SBK3: variants seen among roughly 807,000 people sequenced by gnomAD.
SBK3 encodes the protein uncharacterized serine/threonine-protein kinase SBK3.
SBK3 carries 16 observed loss-of-function variants against 12.7 expected under a neutral mutation model. That is an observed-to-expected ratio of 1.26 (90% confidence interval 0.86 to 1.92). The LOEUF is 1.92. Among genes scored for constraint, SBK3 ranks in the 40% most tolerant of loss-of-function variants. The pLI is 0.00. For missense variants in SBK3, 462 were observed against 481.8 expected, an observed-to-expected ratio of 0.96 and a Z score of 0.38; for synonymous variants, 217 against 213.6, an observed-to-expected ratio of 1.02 and a Z score of -0.14.
chr19:55,541,219 G>C lies in SBK3; in HGVS notation c.707C>G (p.Ala236Gly), dbSNP rs1951556641. ...CACGTCCCAAGGGAAACAGGCAGTG[G>C]CAGCACAGAAGAGAAGCACCCCCAG... ...WGLGVLLFCA[A>G]TACFPWDVAL... The change falls in exon 4 of 4, where the codon GCC becomes GGC. Residue 236 changes from alanine to glycine, a missense_variant. Physicochemically the swap from Ala to Gly is moderately conservative, Grantham distance 60 (BLOSUM62 0). Coordinates refer to ENST00000612221, the MANE Select transcript of SBK3 (RefSeq NM_001199824.2). This position sits in a 1 kb window ranked among gnomAD's most constrained non-coding sequence, Gnocchi z 5.3. The C allele has an allele frequency of 1.3e-6, 2 of 1,535,990 alleles. No individual in the cohort carries two copies. The highest frequency in any genetic ancestry group is 2.4e-5 in the East Asian group (1 of 40,936).
At chr19:55,544,727 C>A in intron 2 of SBK3, 72 bp downstream of exon 2, 5 of 1,395,178 alleles carry the variant, frequency 3.6e-6, no homozygotes, top group Non-Finnish European at 4.7e-6. Flanking sequence ...GGAATGCCCC[C>A]TGTCTGGGTG....
chr19:55,542,324 C>T (rs1318960043), intron 3 of SBK3, among the ~76,000 whole-genome samples: 2 of 152,144 alleles, frequency 1.3e-5, no homozygotes, highest in Admixed American at 1.3e-4. Context: ...CTTCCTTTCA[C>T]CCATCCACTC....
At chr19:55,544,030 CA>C in intron 3 of SBK3, 69 bp downstream of exon 3, 1 of 1,328,938 alleles carries the variant, frequency 7.5e-7, no homozygotes, top group Non-Finnish European at 9.9e-7. Context: ...GAGTTGGAGA[CA>C]GAGACGGGGC....
chr19:55,545,205 C>T lies in SBK3; in HGVS notation c.46-256G>A. On this transcript the variant is annotated intron_variant, in intron 1 of 3. Transcript: ENST00000612221. The surrounding 1 kb of genome is among the most constrained non-coding windows in gnomAD (Gnocchi z 4.4). ...GGGAGCAGGCCAGGAGCCCCCAGCC[C>T]CGAGTGGGGGTGCATCCTCAGCCCA... 1.7e-6 allele frequency: 1 copy of T among 579,902 alleles called. No individual in the cohort carries two copies. The highest frequency in any genetic ancestry group is 3.0e-6 in the Non-Finnish European group (1 of 328,144). 35.9% of individuals were successfully genotyped at this position (579,902 alleles called of 1,614,324 possible).
In SBK3 at chr19:55,545,232, A is replaced by C; in HGVS notation, c.45+267T>G. On this transcript the variant is annotated intron_variant, in intron 1 of 3. Coordinates refer to ENST00000612221, the MANE Select transcript of SBK3 (RefSeq NM_001199824.2). The surrounding 1 kb of genome is among the most constrained non-coding windows in gnomAD (Gnocchi z 4.4). ...GAGTGGGGGTGCATCCTCAGCCCACACAGTCCCCCTGCCCACCCTGGTCTC... is the reference window on the plus strand; with the variant it reads ...GAGTGGGGGTGCATCCTCAGCCCACCCAGTCCCCCTGCCCACCCTGGTCTC... The C allele has an allele frequency of 1.7e-6, 1 of 581,832 alleles. No homozygotes were observed. Among genetic ancestry groups the C allele is most frequent in the South Asian group, 2.1e-5 (1 of 47,120 alleles). 36.0% of individuals were successfully genotyped at this position (581,832 alleles called of 1,614,324 possible). A position where few individuals can be genotyped will look rare whatever the true frequency, so the allele number is the denominator to read the frequency against.
Position 55,542,785 on chromosome 19 carries a change from C to T in SBK3, c.400-1259G>A, listed in dbSNP as rs117370041. Reference sequence around the variant, plus strand: ...CCTTTCATCCATCCATCCACCCATCCATCCACCCACCAATCCTTCCTTCTA... The same window carrying T: ...CCTTTCATCCATCCATCCACCCATCTATCCACCCACCAATCCTTCCTTCTA... On this transcript the variant is annotated intron_variant, in intron 3 of 3. Transcript: ENST00000612221. Among the ~76,000 whole-genome samples, 1,105 of 148,456 alleles carry T rather than the reference C, an allele frequency of 7.4e-3. 9 individuals are homozygous for T. The highest frequency in any genetic ancestry group is 0.012 in the Non-Finnish European group (838 of 67,150).
chr19:55,543,901 G>A, intron 3 of SBK3, among the ~76,000 whole-genome samples, 199 bp downstream of exon 3: 1 of 151,926 alleles, frequency 6.6e-6, no homozygotes, highest in East Asian at 1.9e-4. Flanking sequence ...GATTGTGTTT[G>A]GGTGATTGGA....
chr19:55,544,004 C>T, intron 3 of SBK3, 96 bp downstream of exon 3: 1 of 1,070,458 alleles, frequency 9.3e-7, no homozygotes, highest in Non-Finnish European at 1.3e-6. Flanking sequence ...ATTGGGCGGG[C>T]CCTGATTTGG....
rs1344850586 is a variant in SBK3 at position 55,544,300 on chromosome 19, G to C, written c.199C>G (p.Pro67Ala). The change falls in exon 3 of 4, where the codon CCA (proline) becomes GCA (alanine). Residue 67 changes from proline to alanine, a missense_variant and splice_region_variant. Pro to Ala is a conservative substitution (Grantham distance 27, BLOSUM62 -1). Coordinates refer to ENST00000612221, the MANE Select transcript of SBK3 (RefSeq NM_001199824.2). ...VLLAQPHQGG[P>A]AVALKLLRRD... is the part of the protein sequence containing the mutation. The stretch of plus-strand genomic sequence containing the variant: ...CGCAGGAGCTTCAGAGCCACAGCTG[G>C]ACCTGCCAGGGAGATGGGTCGGAGG... The C allele has an allele frequency of 2.6e-6, 4 of 1,535,442 alleles. No homozygotes were observed. The highest frequency in any genetic ancestry group is 1.7e-4 in the Middle Eastern group (1 of 5,994).
At position 55,540,823 on chromosome 19, in the gene SBK3, G is replaced by GGCCA; in HGVS notation, c.*19_*22dup. 1.3e-6 allele frequency: 2 copies of GGCCA among 1,533,088 alleles called. No homozygotes were observed. Among genetic ancestry groups the GGCCA allele is most frequent in the Non-Finnish European group, 1.7e-6 (2 of 1,144,218 alleles). The allele number at this position is 1,533,088 out of a possible 1,614,324, so 95.0% of individuals were successfully genotyped here. ...GGGAAGGGCCTCTGGCCCAGGCTCT[G>GGCCA]GCCACCTGTCTCTGTCACCTGGTCA... On this transcript the variant is annotated 3_prime_UTR_variant, in exon 4 of 4. Transcript: ENST00000612221.
rs1234531480 is a variant in SBK3 at position 55,541,808 on chromosome 19, G to C, written c.400-282C>G. On this transcript the variant is annotated intron_variant, in intron 3 of 3. Transcript: ENST00000612221. The surrounding 1 kb of genome is among the most constrained non-coding windows in gnomAD (Gnocchi z 5.3). ...AGTGTTCCCACCACATGCTCCCAAA[G>C]ACTTTCTCTCCATCATCCTCAACCT... Among the ~76,000 whole-genome samples, 1 of 152,110 alleles carries C rather than the reference G, an allele frequency of 6.6e-6. No individual in the cohort carries two copies. The highest frequency in any genetic ancestry group is 2.4e-5 in the African/African-American group (1 of 41,414).
chr19:55,541,302 G>A lies in SBK3; in HGVS notation c.624C>T (p.Leu208=). ...GGGTGTCGGGCGGTAGCAGGAGACA[G>A]AGCTCAGGCGGTGCCGTGGGCAGAG... ...PVPLPTAPPE[L]CLLLPPDTLP... Residue 208 remains leucine (L), a synonymous_variant, in exon 4 of 4, where the codon CTC becomes CTT. Coordinates refer to ENST00000612221, the MANE Select transcript of SBK3 (RefSeq NM_001199824.2). The surrounding 1 kb of genome is among the most constrained non-coding windows in gnomAD (Gnocchi z 5.3). The A allele has an allele frequency of 6.5e-7, 1 of 1,535,588 alleles. No homozygotes were observed. Among genetic ancestry groups the A allele is most frequent in the Non-Finnish European group, 8.7e-7 (1 of 1,146,698 alleles).
chr19:55,544,902 G>T lies in SBK3; in HGVS notation c.93C>A (p.Ser31Arg). Residue 31 changes from serine (S) to arginine (R), a missense_variant, in exon 2 of 4, where the codon AGC becomes AGA. Coordinates refer to ENST00000612221, the MANE Select transcript of SBK3 (RefSeq NM_001199824.2). ...ALQRLVELTT[S>R]RVTPVRSLRD... is the part of the protein sequence containing the mutation. Reference sequence around the variant, plus strand: ...GAAGGCTCCTCACCGGGGTCACCCTGCTGGTCGTCAGCTCCACCAGCCGTT... The same window carrying T: ...GAAGGCTCCTCACCGGGGTCACCCTTCTGGTCGTCAGCTCCACCAGCCGTT... 6.5e-7 allele frequency: 1 copy of T among 1,534,406 alleles called. No individual in the cohort carries two copies. Among genetic ancestry groups the T allele is most frequent in the Non-Finnish European group, 8.7e-7 (1 of 1,146,400 alleles).
chr19:55,541,211 A>G lies in SBK3; in HGVS notation c.715T>C (p.Cys239Arg). The G allele has an allele frequency of 6.5e-7, 1 of 1,536,090 alleles. No individual in the cohort carries two copies. Among genetic ancestry groups the G allele is most frequent in the Non-Finnish European group, 8.7e-7 (1 of 1,146,898 alleles). ...GCCAGTGCCACGTCCCAAGGGAAAC[A>G]GGCAGTGGCAGCACAGAAGAGAAGC... is the stretch of plus-strand genomic sequence containing the variant. ...GVLLFCAATACFPWDVALAPN... is the reference protein window; with the variant it reads ...GVLLFCAATARFPWDVALAPN... The change falls in exon 4 of 4, where the codon TGT becomes CGT. Residue 239 changes from cysteine to arginine, a missense_variant. By Grantham distance (180) the Cys-to-Arg change is radical. Transcript: ENST00000612221. The surrounding 1 kb of genome is among the most constrained non-coding windows in gnomAD (Gnocchi z 5.3).
Position 55,541,534 on chromosome 19 carries a change from C to A in SBK3, c.400-8G>T, listed in dbSNP as rs1988561504. ...CAGCAGTTCTGGGAGGCCCTGAGGT[C>A]AAGAAGACAGGAGGAGGGTCAGAGT... On this transcript the variant is annotated splice_polypyrimidine_tract_variant and splice_region_variant and intron_variant, in intron 3 of 3. Transcript: ENST00000612221. The surrounding 1 kb of genome is among the most constrained non-coding windows in gnomAD (Gnocchi z 5.3). 4 of 1,498,336 alleles carry A rather than the reference C, an allele frequency of 2.7e-6. No homozygotes were observed. Among genetic ancestry groups the A allele is most frequent in the African/African-American group, 1.4e-5 (1 of 72,228 alleles). 92.8% of individuals were successfully genotyped at this position (1,498,336 alleles called of 1,614,324 possible). A position where few individuals can be genotyped will look rare whatever the true frequency, so the allele number is the denominator to read the frequency against.
chr19:55,542,467 T>G (rs1009824544), intron 3 of SBK3, among the ~76,000 whole-genome samples: 14 of 135,938 alleles, frequency 1.0e-4, no homozygotes, highest in African/African-American at 3.7e-4. Context: ...ACCAAACCTT[T>G]CATCCATCCA....
Position 55,541,371 on chromosome 19 carries a change from A to T in SBK3, c.555T>A (p.Gly185=). The change falls in exon 4 of 4, where the codon GGT becomes GGA. Residue 185 remains glycine, a synonymous_variant. Coordinates refer to ENST00000612221, the MANE Select transcript of SBK3 (RefSeq NM_001199824.2). The surrounding 1 kb of genome is among the most constrained non-coding windows in gnomAD (Gnocchi z 5.3). Reference sequence around the variant, plus strand: ...TCGGGCTGCCCTCTGGCCGGGTCAGACCCAGGTCTCCCAGGGCCACACGGC... The same window carrying T: ...TCGGGCTGCCCTCTGGCCGGGTCAGTCCCAGGTCTCCCAGGGCCACACGGC... The part of the protein sequence containing the change: ...VCSRVALGDL[G]LTRPEGSPTP... 2 of 1,535,640 alleles carry T rather than the reference A, an allele frequency of 1.3e-6. No homozygotes were observed. The highest frequency in any genetic ancestry group is 1.4e-5 in the African/African-American group (1 of 73,132).
chr19:55,540,913 T>C lies in SBK3; in HGVS notation c.1013A>G (p.Glu338Gly). ...DREEGGSSLE[E>G]WTDEGDDSKS... is the part of the protein sequence containing the mutation. ...GCTGTCATCACCCTCATCTGTCCACTCCTCCAGGCTTGAGCCTCCCTCCTC... is the reference window on the plus strand; with the variant it reads ...GCTGTCATCACCCTCATCTGTCCACCCCTCCAGGCTTGAGCCTCCCTCCTC... The change falls in exon 4 of 4, where the codon GAG becomes GGG. Residue 338 changes from glutamate (E) to glycine (G), a missense_variant. Transcript: ENST00000612221. 1 of 1,536,080 alleles carries C rather than the reference T, an allele frequency of 6.5e-7. No homozygotes were observed. Among genetic ancestry groups the C allele is most frequent in the Non-Finnish European group, 8.7e-7 (1 of 1,146,886 alleles).
intron 3 of SBK3, among the ~76,000 whole-genome samples, chr19:55,542,589 A>G (rs1988578470): frequency 1.4e-5 from 2 of 145,330 alleles, no homozygotes; most frequent in African/African-American, 5.2e-5. Context: ...CCTTCCGTCC[A>G]TCCATCCATC....
Sources: gnomAD v4.1 joint callset for allele counts (sites outside exome capture counted in the v4.1 genomes callset) on GRCh38, gnomAD v4.1.1 for gene constraint, Gnocchi (gnomAD v3.1) non-coding constraint, MANE v1.5 for transcripts, NCBI Gene and HGNC (gene_info 2026-07-23, HGNC 2026-07-21) for gene names.